The following VPS13A variants were observed in gnomAD, a reference collection of about 807,000 sequenced individuals.
VPS13A encodes vacuolar protein sorting 13 homolog A, also known as intermembrane lipid transfer protein VPS13A.
A neutral mutation model predicts 390.9 loss-of-function variants in VPS13A; 264 were observed. That is an observed-to-expected ratio of 0.68 (90% CI 0.61 to 0.75). The LOEUF (loss-of-function observed/expected upper bound fraction) is 0.75. VPS13A is among the 30% of genes least tolerant of loss of function. The pLI, the probability that VPS13A is intolerant of heterozygous loss-of-function variation, is 0.00. For synonymous variants in VPS13A, 1,231 were observed against 1,227.1 expected (o/e 1.00, Z -0.07); for missense variants, 3,409 against 3,733.9 (o/e 0.91, Z 2.27).
chr9:77,377,204 T>TG, intron 67 of VPS13A, among the ~76,000 whole-genome samples: 1 of 41,820 alleles, frequency 2.4e-5, no homozygotes, highest in Admixed American at 2.7e-4. Flanking sequence ...TTTGATGCTG[T>TG]TTTTTTTTTT....
At chr9:77,272,140 A>C (rs1391581254) in intron 23 of VPS13A, among the ~76,000 whole-genome samples, 1 of 152,190 alleles carries the variant, frequency 6.6e-6, no homozygotes, top group Non-Finnish European at 1.5e-5. Flanking sequence ...GTTTGATATG[A>C]TATGTAACCG....
chr9:77,304,100 T>C (rs1376207906), intron 34 of VPS13A, among the ~76,000 whole-genome samples: 1 of 152,166 alleles, frequency 6.6e-6, no homozygotes, highest in African/African-American at 2.4e-5. Context: ...TACCCGGCTT[T>C]CAAGGGCAGA....
chr9:77,325,020 C>T (rs1398801625), intron 45 of VPS13A, among the ~76,000 whole-genome samples: 1 of 152,144 alleles, frequency 6.6e-6, no homozygotes, highest in Non-Finnish European at 1.5e-5. Context: ...ATGTGTGTTC[C>T]CATCCCCTGC....
At chr9:77,352,449 A>C (rs1192084278) in intron 53 of VPS13A, among the ~76,000 whole-genome samples, 1 of 151,936 alleles carries the variant, frequency 6.6e-6, no homozygotes. Context: ...ATTTAAGAGG[A>C]TTGCCTATAA....
chr9:77,370,867 T>C (rs1214684098), intron 65 of VPS13A, 23 bp from the exon 66 acceptor site: 1 of 1,612,262 alleles, frequency 6.2e-7, no homozygotes, highest in Non-Finnish European at 8.5e-7. Context: ...TATTGTAAAT[T>C]TTCAGTTGTG....
chr9:77,208,799 C>T (rs1480347010), intron 5 of VPS13A, among the ~76,000 whole-genome samples: 1 of 152,228 alleles, frequency 6.6e-6, no homozygotes, highest in African/African-American at 2.4e-5. Flanking sequence ...ATCTGCCCAC[C>T]TTGGCCTCCC....
intron 10 of VPS13A, among the ~76,000 whole-genome samples, chr9:77,218,244 G>A (rs909304298): frequency 1.3e-5 from 2 of 151,466 alleles, no homozygotes; most frequent in African/African-American, 4.9e-5. Flanking sequence ...CTCCCGAGTA[G>A]CTGGGACTAC....
At chr9:77,218,481 A>G (rs1822990984) in intron 10 of VPS13A, among the ~76,000 whole-genome samples, 1 of 152,074 alleles carries the variant, frequency 6.6e-6, no homozygotes, top group Middle Eastern at 3.2e-3. Flanking sequence ...AACTCTGGAT[A>G]TTAGTCCCCT....
rs1835164824 is a variant in VPS13A, at chr9:77,416,186, C to G, written c.*180C>G. On this transcript the variant is annotated 3_prime_UTR_variant, in exon 72 of 72. Transcript: ENST00000360280. ...AAAACAAAACCAGAATCAGGTAAAA[C>G]AGCTATGTGATTAAAATATTTTAAT... is the stretch of plus-strand genomic sequence containing the variant. 4.7e-6 allele frequency: 3 copies of G among 636,188 alleles called. No individual in the cohort carries two copies. The highest frequency in any genetic ancestry group is 8.3e-6 in the Non-Finnish European group (3 of 362,118). 39.4% of individuals were successfully genotyped at this position (636,188 alleles called of 1,614,324 possible). A position where few individuals can be genotyped will look rare whatever the true frequency, so the allele number is the denominator to read the frequency against.
At chr9:77,341,210 C>G (rs1830786491) in intron 50 of VPS13A, among the ~76,000 whole-genome samples, 2 of 152,194 alleles carry the variant, frequency 1.3e-5, no homozygotes, top group Admixed American at 1.3e-4. Flanking sequence ...CTAGAAAAAT[C>G]TCTCTGGCGG....
At chr9:77,276,434 TCAGA>T (rs1398272818) in intron 26 of VPS13A, among the ~76,000 whole-genome samples, 3 of 152,194 alleles carry the variant, frequency 2.0e-5, no homozygotes, top group African/African-American at 7.2e-5. Flanking sequence ...TTATGGAAAA[TCAGA>T]TGATAATGGT....
At chr9:77,180,083 A>G (rs908097136) in intron 1 of VPS13A, among the ~76,000 whole-genome samples, 1 of 152,184 alleles carries the variant, frequency 6.6e-6, no homozygotes, top group African/African-American at 2.4e-5. Flanking sequence ...ATATTCATAG[A>G]CCACAATTTA....
At chr9:77,261,438 G>A (rs1825754228) in intron 23 of VPS13A, among the ~76,000 whole-genome samples, 1 of 151,408 alleles carries the variant, frequency 6.6e-6, no homozygotes. Context: ...GAAAAATACT[G>A]CTTTGAACTT....
At chr9:77,294,285 C>T (rs900710005) in intron 32 of VPS13A, among the ~76,000 whole-genome samples, 1 of 152,130 alleles carries the variant, frequency 6.6e-6, no homozygotes, top group Non-Finnish European at 1.5e-5. Context: ...AGATTTAACC[C>T]CTATATGACT....
At chr9:77,191,567 G>A (rs1824689459) in intron 1 of VPS13A, among the ~76,000 whole-genome samples, 1 of 151,942 alleles carries the variant, frequency 6.6e-6, no homozygotes, top group South Asian at 2.1e-4. Flanking sequence ...GCAAAGTACT[G>A]GGATTACAGG....
intron 14 of VPS13A, 111 bp from the exon 15 acceptor site, chr9:77,226,346 GTATATTGTT>G: frequency 1.1e-6 from 1 of 904,556 alleles, no homozygotes; most frequent in Non-Finnish European, 1.8e-6. Flanking sequence ...TTATTAATGT[GTATATTGTT>G]TACATTCATT....
rs1030686732 is a variant in VPS13A at position 77,283,278 on chromosome 9, C to T, written c.3119-77C>T. 1.1e-5 allele frequency: 9 copies of T among 836,708 alleles called. No individual in the cohort carries two copies. In the African/African-American group the frequency reaches 1.4e-4, roughly 13 times the overall value. 51.8% of individuals were successfully genotyped at this position (836,708 alleles called of 1,614,324 possible). ...GATATCACTATTTGTGGTGATATTTCAGTTACTTTATAAGTATAGTGAGGT... is the reference window on the plus strand; with the variant it reads ...GATATCACTATTTGTGGTGATATTTTAGTTACTTTATAAGTATAGTGAGGT... On this transcript the variant is annotated intron_variant, in intron 29 of 71. Coordinates refer to ENST00000360280, the MANE Select transcript of VPS13A (RefSeq NM_033305.3).
chr9:77,258,681 T>C (rs1825589327), intron 22 of VPS13A, among the ~76,000 whole-genome samples: 1 of 152,172 alleles, frequency 6.6e-6, no homozygotes, highest in Non-Finnish European at 1.5e-5. Flanking sequence ...GGCTTAATTC[T>C]TTTCATTTCT....
chr9:77,224,456 T>C (rs1489312442), intron 13 of VPS13A, among the ~76,000 whole-genome samples: 1 of 152,152 alleles, frequency 6.6e-6, no homozygotes, highest in Non-Finnish European at 1.5e-5. Flanking sequence ...GGTCAAAATA[T>C]GAACATTGAC....
Sources: gnomAD v4.1 joint callset for allele counts (sites outside exome capture counted in the v4.1 genomes callset) on GRCh38, gnomAD v4.1.1 for gene constraint, MANE v1.5 for transcripts, NCBI Gene and HGNC (gene_info 2026-07-23, HGNC 2026-07-21) for gene names.